EIF2D: variants seen among roughly 807,000 people sequenced by gnomAD.
The protein encoded by EIF2D is eukaryotic translation initiation factor 2D, also known as hepatocellular carcinoma-associated antigen 56.
A neutral mutation model predicts 77.4 loss-of-function variants in EIF2D; 56 were observed. The observed-to-expected ratio is 0.72, with a 90% CI of 0.58 to 0.90. The LOEUF (loss-of-function observed/expected upper bound fraction) is 0.90. EIF2D is among the 40% of genes least tolerant of loss of function. The probability of loss-of-function intolerance (pLI) is 0.00; values close to 1 mark genes in which losing one functional copy is unlikely to be tolerated. For missense variants in EIF2D, 574 were observed against 706.5 expected (o/e 0.81, Z 2.13); for synonymous variants, 230 against 271.0 (o/e 0.85, Z 1.49).
downstream of EIF2D, among the ~76,000 whole-genome samples, chr1:206,590,071 T>C (rs1383456567): frequency 6.6e-6 from 1 of 152,244 alleles, no homozygotes; most frequent in African/African-American, 2.4e-5. Context: ...CGTTTGACAT[T>C]GATACAGATT....
chr1:206,597,095 G>C lies in EIF2D; in HGVS notation c.1388+5C>G, dbSNP rs533906408. ...AGTTGGAGAGGGACTGCCAATGCTC[G>C]TTACCTGGTCAGAAGACTGTCCCAT... On this transcript the variant is annotated splice_donor_5th_base_variant and intron_variant, in intron 12 of 14. Transcript: ENST00000271764. 1 of 1,612,956 alleles carries C rather than the reference G, an allele frequency of 6.2e-7. No individual in the cohort carries two copies. The highest frequency in any genetic ancestry group is 1.1e-5 in the South Asian group (1 of 91,064).
chr1:206,607,229 T>C (rs1670243917), intron 4 of EIF2D, among the ~76,000 whole-genome samples: 1 of 152,010 alleles, frequency 6.6e-6, no homozygotes, highest in Non-Finnish European at 1.5e-5. Flanking sequence ...AAAGAAAACG[T>C]CCACACTATA....
chr1:206,578,626 GGT>G (rs1668749054), intron 4 of EIF2D, among the ~76,000 whole-genome samples: 1 of 152,156 alleles, frequency 6.6e-6, no homozygotes, highest in Non-Finnish European at 1.5e-5. Flanking sequence ...GCAAAAATTA[GGT>G]TTGTGATTTT....
exon 5 of EIF2D, chr1:206,572,657 C>G (rs568163085): frequency 2.7e-4 from 41 of 152,324 alleles, no homozygotes; most frequent in African/African-American, 9.6e-4. Flanking sequence ...CATCGTGCCA[C>G]AGGCACACAC....
rs1317295395 is a variant in EIF2D, at chr1:206,600,373, G to C, written c.903-65C>G. The C allele has an allele frequency of 2.0e-5, 30 of 1,479,928 alleles. No individual in the cohort carries two copies. The East Asian group carries it at 5.9e-4, about 29-fold the overall frequency. 91.7% of individuals were successfully genotyped at this position (1,479,928 alleles called of 1,614,324 possible). A position where few individuals can be genotyped will look rare whatever the true frequency, so the allele number is the denominator to read the frequency against. On this transcript the variant is annotated intron_variant, in intron 7 of 14. Coordinates refer to ENST00000271764, the MANE Select transcript of EIF2D (RefSeq NM_006893.3). ...GTCATACTGGGACCTGCCTGACACTGAGAGGAGGGCCTTTTTCCTCAGCCT... is the reference window on the plus strand; with the variant it reads ...GTCATACTGGGACCTGCCTGACACTCAGAGGAGGGCCTTTTTCCTCAGCCT...
chr1:206,586,076 G>A (rs893515852), intron 2 of EIF2D: 1 of 152,330 alleles, frequency 6.6e-6, no homozygotes, highest in Non-Finnish European at 1.5e-5. Flanking sequence ...TCTAGTTCCA[G>A]TTCTGCTGCA....
exon 5 of EIF2D, chr1:206,572,634 G>C (rs1668487915): frequency 6.6e-6 from 1 of 152,208 alleles, no homozygotes; most frequent in Admixed American, 6.5e-5. Context: ...ACTTCTCCAT[G>C]AGGCACAGCA....
intron 2 of EIF2D, among the ~76,000 whole-genome samples, chr1:206,610,414 G>A (rs1333947863): frequency 2.0e-5 from 3 of 152,180 alleles, no homozygotes; most frequent in African/African-American, 4.8e-5. Flanking sequence ...AGCTACACAG[G>A]AGGCTGAGGT....
chr1:206,578,796 C>T (rs1668756741), intron 4 of EIF2D, among the ~76,000 whole-genome samples: 2 of 152,152 alleles, frequency 1.3e-5, no homozygotes, highest in Non-Finnish European at 2.9e-5. Context: ...AGCCACGTGA[C>T]TCACTCAGAG....
chr1:206,599,009 T>C lies in EIF2D; in HGVS notation c.1286A>G (p.Asn429Ser). 1 of 1,614,146 alleles carries C rather than the reference T, an allele frequency of 6.2e-7. No individual in the cohort carries two copies. Among genetic ancestry groups the C allele is most frequent in the Non-Finnish European group, 8.5e-7 (1 of 1,179,990 alleles). ...GTGCTTCTCATGCACTCACTTTTTG[T>C]TGTCTGCATCAACCAGGTCATTTTT... ...AKKNDLVDADNKNLVRLDPIL... is the reference protein window; with the variant it reads ...AKKNDLVDADSKNLVRLDPIL... Residue 429 changes from asparagine to serine, a missense_variant, in exon 11 of 15, where the codon AAC (asparagine) becomes AGC (serine). Coordinates refer to ENST00000271764, the MANE Select transcript of EIF2D (RefSeq NM_006893.3). The surrounding 1 kb of genome is among the most constrained non-coding windows in gnomAD (Gnocchi z 4.1).
chr1:206,593,086 G>C (rs1426216785), intron 14 of EIF2D, among the ~76,000 whole-genome samples: 10 of 150,622 alleles, frequency 6.6e-5, no homozygotes, highest in African/African-American at 2.2e-4. Flanking sequence ...ACTCCAGCCT[G>C]GGTGACAGAG....
chr1:206,581,784 T>C (rs933022857), intron 2 of EIF2D, among the ~76,000 whole-genome samples: 36 of 151,778 alleles, frequency 2.4e-4, no homozygotes, highest in African/African-American at 8.7e-4. Flanking sequence ...TTCTGTGGGA[T>C]TGGAAAGTGG....
At chr1:206,595,530 G>T in intron 13 of EIF2D, 188 bp downstream of exon 13, 2 of 511,996 alleles carry the variant, frequency 3.9e-6, no homozygotes, top group Non-Finnish European at 6.5e-6. Flanking sequence ...AGAGGGCAGT[G>T]AGTGAGCGGG....
exon 3 of EIF2D, chr1:206,581,056 T>C (rs1668853225): frequency 6.6e-6 from 1 of 152,232 alleles, no homozygotes; most frequent in African/African-American, 2.4e-5. Flanking sequence ...ACATGGTGAA[T>C]TGAGAAGAGC....
chr1:206,587,034 T>G (rs782374479), downstream of EIF2D: 1 of 1,597,640 alleles, frequency 6.3e-7, no homozygotes, highest in African/African-American at 1.4e-5. Flanking sequence ...TTATTAATTA[T>G]TATTTTGCAA....
chr1:206,570,227 C>T (rs1327121344), downstream of EIF2D, among the ~76,000 whole-genome samples: 1 of 151,532 alleles, frequency 6.6e-6, no homozygotes, highest in Non-Finnish European at 1.5e-5. Context: ...GAGTAGCTGG[C>T]ACTACAGGCA....
intron 4 of EIF2D, among the ~76,000 whole-genome samples, chr1:206,574,129 T>C (rs1668549633): frequency 6.6e-6 from 1 of 152,242 alleles, no homozygotes; most frequent in Non-Finnish European, 1.5e-5. Context: ...TTCCCTGGTA[T>C]AACCCACTCT....
At position 206,592,339 on chromosome 1, in the gene EIF2D, C is replaced by T. The variant is rs74146631; in HGVS notation, c.1685-494G>A. ...AATTAGCCAAGCTGCAGACATTAAC[C>T]GGAAATATAAACACAATTGGAAAGT... On this transcript the variant is annotated intron_variant, in intron 14 of 14. Transcript: ENST00000271764. The surrounding 1 kb of genome is among the most constrained non-coding windows in gnomAD (Gnocchi z 4.7). Among the ~76,000 whole-genome samples the T allele has an allele frequency of 5.3e-3, 810 of 152,312 alleles. 2 individuals carry two copies. Among genetic ancestry groups the T allele is most frequent in the African/African-American group, 0.018 (757 of 41,566 alleles).
At position 206,599,323 on chromosome 1, in the gene EIF2D, G is replaced by T; in HGVS notation, c.1202+140C>A. ...CAGAGGAACTTGCCCAGGGAAGAAG[G>T]CTGGAAGCTGGATTTTGGAGAAGGG... On this transcript the variant is annotated intron_variant, in intron 10 of 14. Transcript: ENST00000271764. The surrounding 1 kb of genome is among the most constrained non-coding windows in gnomAD (Gnocchi z 4.1). 1 of 1,200,676 alleles carries T rather than the reference G, an allele frequency of 8.3e-7. No homozygotes were observed. Among genetic ancestry groups the T allele is most frequent in the Non-Finnish European group, 1.2e-6 (1 of 851,090 alleles). The allele number at this position is 1,200,676 out of a possible 1,614,324, so 74.4% of individuals were successfully genotyped here. A position where few individuals can be genotyped will look rare whatever the true frequency, so the allele number is the denominator to read the frequency against.
Sources: allele counts gnomAD v4.1 joint callset (sites outside exome capture counted in the v4.1 genomes callset), GRCh38; gene constraint gnomAD v4.1.1; non-coding constraint Gnocchi (gnomAD v3.1); transcripts MANE v1.5; gene names NCBI Gene and HGNC (gene_info 2026-07-23, HGNC 2026-07-21).